Variants in USP9Y observed in about 807,000 individuals in gnomAD.
USP9Y encodes ubiquitin carboxyl-terminal hydrolase 9Y.
Under a neutral mutation model 53.1 loss-of-function variants are expected in USP9Y, and 41 were observed. The ratio of observed to expected loss-of-function variants is 0.77; its 90% CI spans 0.60 to 1.00. USP9Y has a LOEUF of 1.00. Among genes scored for constraint, USP9Y ranks in the 50% least tolerant of loss-of-function variants. USP9Y has a pLI of 0.00. For missense variants in USP9Y, 567 were observed against 535.8 expected, an observed-to-expected ratio of 1.06 and a Z score of -0.58; for synonymous variants, 220 against 173.7, an observed-to-expected ratio of 1.27 and a Z score of -2.09.
At chrY:12,720,808 C>A in intron 4 of USP9Y, 71 bp downstream of exon 4, 1 of 304,771 alleles carries the variant, frequency 3.3e-6, no homozygotes. Context: ...TCCAGCATTG[C>A]AACTAGTAGT....
intron 27 of USP9Y, among the ~76,000 whole-genome samples, chrY:12,804,895 T>G (rs2053522587): frequency 3.3e-5 from 1 of 30,411 alleles, no homozygotes; most frequent in South Asian, 7.9e-4. Flanking sequence ...AAGGCGAAGG[T>G]TGCAGTGAGC....
chrY:12,799,722 G>T (rs926150818), intron 27 of USP9Y, among the ~76,000 whole-genome samples: 2 of 33,209 alleles, frequency 6.0e-5, no homozygotes, highest in Non-Finnish European at 1.5e-4. Context: ...TTGTAACTCA[G>T]CTCACACCTG....
intron 27 of USP9Y, among the ~76,000 whole-genome samples, chrY:12,800,921 AC>A (rs2053518583): frequency 2.9e-5 from 1 of 33,952 alleles, no homozygotes; most frequent in Non-Finnish European, 7.3e-5. Flanking sequence ...CATTGTGAAG[AC>A]CCTGGTTCTC....
intron 2 of USP9Y, 32 bp from the exon 3 acceptor site, chrY:12,709,356 T>C: frequency 4.6e-6 from 1 of 218,783 alleles, no homozygotes; most frequent in Non-Finnish European, 7.8e-6. Flanking sequence ...GTACTTCATC[T>C]TCTATATGTG....
chrY:12,732,509 A>G (rs2053447792), intron 7 of USP9Y, among the ~76,000 whole-genome samples: 1 of 32,871 alleles, frequency 3.0e-5, no homozygotes, highest in African/African-American at 1.2e-4. Context: ...TGCCTCACTA[A>G]TTTTTTGTGT....
At chrY:12,709,652 C>G (rs565818300) in intron 3 of USP9Y, 109 bp downstream of exon 3, 4 of 206,111 alleles carry the variant, frequency 1.9e-5, no homozygotes, top group African/African-American at 1.6e-4. Context: ...TTAAGTTACA[C>G]GTGAAAAAAG....
intron 37 of USP9Y, 31 bp from the exon 38 acceptor site, chrY:12,842,209 A>G (rs2053561857): frequency 2.6e-6 from 1 of 378,460 alleles, no homozygotes. Flanking sequence ...ACATCACTAA[A>G]ATTTGACGTT....
At position 12,717,224 on chromosome Y, in the gene USP9Y, T is replaced by G. The variant is rs747485023; in HGVS notation, c.97-3365T>G. ...CTGTCAGATCAATGGCAGCATTAGA[T>G]TCTCATAGGAGCATGAACCTTACTG... On this transcript the variant is annotated intron_variant, in intron 3 of 45. Transcript: ENST00000338981. 1.9e-4 allele frequency among the ~76,000 whole-genome samples: 6 copies of G among 32,222 alleles called. No homozygotes were observed. The East Asian group carries it at 4.9e-3, about 26-fold the overall frequency. 86.4% of individuals were successfully genotyped at this position (32,222 alleles called of 37,273 possible). A position where few individuals can be genotyped will look rare whatever the true frequency, so the allele number is the denominator to read the frequency against.
chrY:12,777,938 G>GT (rs1556160956), intron 19 of USP9Y, 81 bp from the exon 20 acceptor site: 8 of 233,498 alleles, frequency 3.4e-5, no homozygotes, highest in South Asian at 1.8e-4. Flanking sequence ...AATTTTCAGG[G>GT]TTTTTTTTAG....
chrY:12,731,702 G>C (rs936084432), intron 7 of USP9Y, among the ~76,000 whole-genome samples: 1 of 32,567 alleles, frequency 3.1e-5, no homozygotes, highest in African/African-American at 1.2e-4. Context: ...ATCACCTAGG[G>C]CCCTTGTATT....
intron 12 of USP9Y, among the ~76,000 whole-genome samples, chrY:12,750,336 G>A (rs574807410): frequency 9.1e-5 from 3 of 32,974 alleles, no homozygotes; most frequent in Admixed American, 2.8e-4. Flanking sequence ...TCTATGTATG[G>A]CATCATATTG....
intron 37 of USP9Y, among the ~76,000 whole-genome samples, chrY:12,841,948 CTT>C (rs2053561510): frequency 6.0e-5 from 2 of 33,313 alleles, no homozygotes; most frequent in African/African-American, 1.2e-4. Context: ...TTTAACAACT[CTT>C]AGCATTGCTC....
At chrY:12,760,719 A>T in intron 15 of USP9Y, 102 bp downstream of exon 15, 1 of 278,390 alleles carries the variant, frequency 3.6e-6, no homozygotes, top group South Asian at 3.6e-5. Flanking sequence ...AATGAGAAAA[A>T]ATAGAAGTGG....
intron 27 of USP9Y, among the ~76,000 whole-genome samples, chrY:12,806,753 T>G: frequency 3.0e-5 from 1 of 33,753 alleles, no homozygotes; most frequent in African/African-American, 1.2e-4. Context: ...AGCTGTTTGT[T>G]GTTAATCAGT....
chrY:12,737,723 A>G, intron 10 of USP9Y, among the ~76,000 whole-genome samples: 1 of 33,967 alleles, frequency 2.9e-5, no homozygotes, highest in African/African-American at 1.1e-4. Flanking sequence ...TATTTTACAG[A>G]AGAATCTAAG....
intron 12 of USP9Y, among the ~76,000 whole-genome samples, chrY:12,751,743 A>G (rs560243626): frequency 3.2e-3 from 106 of 33,428 alleles, no homozygotes; most frequent in African/African-American, 0.011. Flanking sequence ...TAAAAGTTTT[A>G]CTTATGTCAT....
intron 13 of USP9Y, 123 bp downstream of exon 13, chrY:12,757,521 C>T: frequency 4.9e-6 from 1 of 204,101 alleles, no homozygotes; most frequent in Non-Finnish European, 8.2e-6. Flanking sequence ...GAGTCTCGCT[C>T]TGTGTCCCAG....
At chrY:12,707,233 C>T in intron 1 of USP9Y, among the ~76,000 whole-genome samples, 2 of 33,631 alleles carry the variant, frequency 5.9e-5, no homozygotes, top group South Asian at 1.3e-3. Context: ...ATTCTTCTTC[C>T]TCAGCCTCCC....
chrY:12,761,455 G>A (rs766263044), intron 15 of USP9Y, among the ~76,000 whole-genome samples: 59 of 33,607 alleles, frequency 1.8e-3, no homozygotes, highest in Admixed American at 4.3e-3. Context: ...CAGTCTTTTC[G>A]TATATGCTAT....
Sources: gnomAD v4.1 joint callset for allele counts (sites outside exome capture counted in the v4.1 genomes callset) on GRCh38, gnomAD v4.1.1 for gene constraint, MANE v1.5 for transcripts, NCBI Gene and HGNC (gene_info 2026-07-23, HGNC 2026-07-21) for gene names.